The following SHANK2 variants were observed in gnomAD, a reference collection of about 807,000 sequenced individuals.
SHANK2 encodes the protein SH3 and multiple ankyrin repeat domains protein 2.
A neutral mutation model predicts 133.7 loss-of-function variants in SHANK2; 43 were observed. The ratio of observed to expected loss-of-function variants is 0.32; its 90% CI spans 0.25 to 0.41. The LOEUF (loss-of-function observed/expected upper bound fraction) is 0.41. SHANK2 is among the 10% of genes least tolerant of loss of function. SHANK2 has a pLI of 1.00. For synonymous variants in SHANK2, 1,017 were observed against 952.8 expected (o/e 1.07, Z -1.24); for missense variants, 1,994 against 2,235.8 (o/e 0.89, Z 2.18).
Position 71,229,833 on chromosome 11 carries a change from A to G in SHANK2, c.-112-5037T>C, listed in dbSNP as rs1954711943. On this transcript the variant is annotated intron_variant, in intron 1 of 25. Coordinates refer to ENST00000601538, the MANE Select transcript of SHANK2 (RefSeq NM_012309.5). Reference sequence around the variant, plus strand: ...ATAAACCTAACAATACATATTCAGGAACTGTATGCTGAAAGCTATGCAACA... The same window carrying G: ...ATAAACCTAACAATACATATTCAGGGACTGTATGCTGAAAGCTATGCAACA... Among the ~76,000 whole-genome samples the G allele has an allele frequency of 2.6e-5, 4 of 152,128 alleles. No homozygotes were observed. The South Asian group carries it at 8.3e-4, about 32-fold the overall frequency.
intron 11 of SHANK2, among the ~76,000 whole-genome samples, chr11:70,822,204 A>G (rs531741021): frequency 4.5e-4 from 69 of 152,380 alleles, no homozygotes; most frequent in African/African-American, 1.6e-3. Context: ...TTCACTGGCT[A>G]CAGGATTCAG....
At chr11:70,815,302 T>C (rs1948369011) in intron 12 of SHANK2, among the ~76,000 whole-genome samples, 1 of 149,182 alleles carries the variant, frequency 6.7e-6, no homozygotes, top group African/African-American at 2.5e-5. Context: ...GGTGGACAGG[T>C]AGGCAGGAGA....
chr11:70,560,709 G>A (rs75873716), intron 17 of SHANK2, among the ~76,000 whole-genome samples: 3,480 of 151,530 alleles, frequency 0.023, 77 homozygotes, highest in East Asian at 0.1. Flanking sequence ...TCGGCTCACT[G>A]TGACCTCCAA....
chr11:70,816,087 A>G (rs1446535920), intron 12 of SHANK2, among the ~76,000 whole-genome samples: 2 of 152,152 alleles, frequency 1.3e-5, no homozygotes, highest in Non-Finnish European at 2.9e-5. Context: ...CACTGTCCAC[A>G]ATAAGGATGA....
intron 3 of SHANK2, among the ~76,000 whole-genome samples, chr11:71,131,466 A>C (rs1389340723): frequency 6.6e-6 from 1 of 152,206 alleles, no homozygotes; most frequent in East Asian, 1.9e-4. Flanking sequence ...TTTTTCGCAC[A>C]GTGAAAGCTT....
At chr11:71,200,655 G>A (rs1166254346) in intron 2 of SHANK2, among the ~76,000 whole-genome samples, 1 of 152,034 alleles carries the variant, frequency 6.6e-6, no homozygotes. Context: ...GTCTTCCTCA[G>A]CGGCAGCCAC....
chr11:70,572,044 C>A (rs1214949558), intron 17 of SHANK2, among the ~76,000 whole-genome samples: 1 of 152,212 alleles, frequency 6.6e-6, no homozygotes, highest in Non-Finnish European at 1.5e-5. Flanking sequence ...CTCCCTCTGC[C>A]ACTTGAGCAC....
At chr11:70,747,800 A>C (rs1247520343) in intron 14 of SHANK2, among the ~76,000 whole-genome samples, 1 of 152,216 alleles carries the variant, frequency 6.6e-6, no homozygotes, top group African/African-American at 2.4e-5. Flanking sequence ...TGCAGTGTGC[A>C]TGTTTGTGAG....
rs187370938 is a variant in SHANK2, at chr11:71,230,352, C to T, written c.-112-5556G>A. On this transcript the variant is annotated intron_variant, in intron 1 of 25. Transcript: ENST00000601538. ...ATCCCAGCACTTTGGAAGGCCAAGG[C>T]GGGTGGATCACGAGGTCAGGATATC... Among the ~76,000 whole-genome samples, 66 of 151,574 alleles carry T rather than the reference C, an allele frequency of 4.4e-4. 1 individual carries two copies. The highest frequency in any genetic ancestry group is 1.5e-3 in the African/African-American group (63 of 41,282).
chr11:71,246,971 T>C (rs1359815166), intron 1 of SHANK2, among the ~76,000 whole-genome samples: 2 of 152,216 alleles, frequency 1.3e-5, no homozygotes, highest in Non-Finnish European at 1.5e-5. Flanking sequence ...AATTCAGAAG[T>C]AATTTTTTTA....
At chr11:71,083,335 CAAT>C (rs1377650251) in intron 8 of SHANK2, among the ~76,000 whole-genome samples, 25 of 152,098 alleles carry the variant, frequency 1.6e-4, no homozygotes, top group African/African-American at 5.8e-4. Flanking sequence ...CAGATGATGA[CAAT>C]AATGATAGGG....
intron 11 of SHANK2, among the ~76,000 whole-genome samples, chr11:70,856,312 G>A (rs1949171001): frequency 6.6e-6 from 1 of 152,106 alleles, no homozygotes; most frequent in African/African-American, 2.4e-5. Flanking sequence ...ATGGGTGACT[G>A]GATGGGCAGA....
At chr11:71,111,542 G>A (rs1248567467) in intron 5 of SHANK2, among the ~76,000 whole-genome samples, 3 of 152,130 alleles carry the variant, frequency 2.0e-5, no homozygotes, top group East Asian at 1.9e-4. Flanking sequence ...GCACCCTTCC[G>A]CCTGCTGCGT....
At chr11:70,645,588 C>T (rs1453326435) in intron 17 of SHANK2, among the ~76,000 whole-genome samples, 6 of 152,338 alleles carry the variant, frequency 3.9e-5, no homozygotes, top group African/African-American at 1.4e-4. Context: ...CACACGGGTG[C>T]TGCCGAGGTT....
intron 3 of SHANK2, among the ~76,000 whole-genome samples, chr11:71,141,044 T>C (rs1952544703): frequency 6.6e-6 from 1 of 152,168 alleles, no homozygotes. Flanking sequence ...TTCCCATCTG[T>C]AAAGTGGGAT....
intron 14 of SHANK2, among the ~76,000 whole-genome samples, chr11:70,760,963 G>T (rs1482269729): frequency 2.6e-5 from 4 of 152,190 alleles, no homozygotes; most frequent in Admixed American, 1.3e-4. Context: ...TGGAGGATGT[G>T]CTCAGGGAGC....
At chr11:70,901,346 T>A (rs1950019967) in intron 10 of SHANK2, among the ~76,000 whole-genome samples, 2 of 152,210 alleles carry the variant, frequency 1.3e-5, no homozygotes, top group African/African-American at 4.8e-5. Flanking sequence ...GACAAATTAT[T>A]CTCGAGGGTT....
chr11:70,776,709 T>G (rs563568401), intron 14 of SHANK2, among the ~76,000 whole-genome samples: 11 of 151,482 alleles, frequency 7.3e-5, no homozygotes, highest in Non-Finnish European at 1.5e-4. Flanking sequence ...CCTACCCACC[T>G]AACTGGGTGG....
At chr11:71,147,577 C>G (rs376424426) in intron 2 of SHANK2, among the ~76,000 whole-genome samples, 1 of 152,144 alleles carries the variant, frequency 6.6e-6, no homozygotes, top group Non-Finnish European at 1.5e-5. Context: ...CAGCCAGGAC[C>G]CAGGAAAACC....
Sources: gnomAD v4.1 joint callset for allele counts (sites outside exome capture counted in the v4.1 genomes callset) on GRCh38, gnomAD v4.1.1 for gene constraint, MANE v1.5 for transcripts, NCBI Gene and HGNC (gene_info 2026-07-23, HGNC 2026-07-21) for gene names.